GRM8: variants seen among roughly 807,000 people sequenced by gnomAD.
GRM8 encodes glutamate metabotropic receptor 8.
In GRM8, 47 loss-of-function variants were observed where a neutral mutation model predicts 87.2. The observed-to-expected ratio is 0.54, with a 90% CI of 0.43 to 0.69. The LOEUF (loss-of-function observed/expected upper bound fraction) is 0.69. GRM8 is among the 30% of genes least tolerant of loss of function. GRM8 has a pLI of 0.00. For missense variants in GRM8, 1,019 were observed against 1,139.2 expected (o/e 0.89, Z 1.52); for synonymous variants, 396 against 404.5 (o/e 0.98, Z 0.25).
At chr7:126,593,245 C>T (rs558910889) in intron 8 of GRM8, among the ~76,000 whole-genome samples, 103 of 152,036 alleles carry the variant, frequency 6.8e-4, no homozygotes, top group African/African-American at 2.3e-3. Context: ...CTTCACAGAA[C>T]TAGAAAAAAC....
intron 7 of GRM8, among the ~76,000 whole-genome samples, chr7:126,739,521 T>C (rs112168596): frequency 1.8e-4 from 27 of 152,196 alleles, no homozygotes; most frequent in African/African-American, 6.0e-4. Context: ...AAGACCACGG[T>C]GTTACGTTTA....
chr7:126,682,713 C>T (rs1019431456), intron 7 of GRM8, among the ~76,000 whole-genome samples: 4 of 152,166 alleles, frequency 2.6e-5, no homozygotes, highest in Non-Finnish European at 5.9e-5. Flanking sequence ...CTGAAATAAT[C>T]TAGCCTGCAA....
At chr7:127,044,349 G>A (rs1818726626) in intron 3 of GRM8, among the ~76,000 whole-genome samples, 2 of 152,270 alleles carry the variant, frequency 1.3e-5, no homozygotes, top group East Asian at 1.9e-4. Context: ...AGACAAGGAA[G>A]ATCAATCTGG....
intron 9 of GRM8, among the ~76,000 whole-genome samples, chr7:126,456,934 A>T (rs1803312939): frequency 6.6e-6 from 1 of 151,526 alleles, no homozygotes; most frequent in Non-Finnish European, 1.5e-5. Flanking sequence ...GGCAAACAAC[A>T]ACAAAAACTA....
chr7:126,915,761 GA>G (rs1290138171), intron 3 of GRM8, among the ~76,000 whole-genome samples: 1 of 152,172 alleles, frequency 6.6e-6, no homozygotes, highest in Non-Finnish European at 1.5e-5. Context: ...AACAAGAGTA[GA>G]AAGAGGAGAG....
At chr7:127,148,181 C>T (rs1055891492) in intron 2 of GRM8, among the ~76,000 whole-genome samples, 7 of 151,942 alleles carry the variant, frequency 4.6e-5, no homozygotes, top group African/African-American at 9.7e-5. Flanking sequence ...GCAACAGAGT[C>T]GATTCAGGTA....
chr7:126,985,902 A>G (rs1428443933), intron 3 of GRM8, among the ~76,000 whole-genome samples: 1 of 152,250 alleles, frequency 6.6e-6, no homozygotes, highest in African/African-American at 2.4e-5. Context: ...TTTAAATCAT[A>G]GCAGTAACTG....
chr7:126,499,985 T>C (rs1482658626), intron 9 of GRM8, among the ~76,000 whole-genome samples: 2 of 151,958 alleles, frequency 1.3e-5, no homozygotes, highest in Non-Finnish European at 2.9e-5. Flanking sequence ...TGTTTTGATA[T>C]GTGCGTATAT....
chr7:126,638,966 G>C (rs146520935), intron 7 of GRM8, among the ~76,000 whole-genome samples: 5 of 152,080 alleles, frequency 3.3e-5, no homozygotes, highest in African/African-American at 1.2e-4. Flanking sequence ...TCCACCTCAC[G>C]TGCCACTGAA....
intron 7 of GRM8, among the ~76,000 whole-genome samples, chr7:126,752,440 G>A (rs1320577076): frequency 2.0e-5 from 3 of 152,122 alleles, no homozygotes; most frequent in African/African-American, 7.2e-5. Flanking sequence ...TCAGTGTTCA[G>A]TAGTGTCATG....
intron 6 of GRM8, among the ~76,000 whole-genome samples, chr7:126,810,674 A>T (rs1051062210): frequency 6.6e-6 from 1 of 152,064 alleles, no homozygotes; most frequent in Non-Finnish European, 1.5e-5. Context: ...CAGTACCCTA[A>T]GTCCTCCCAC....
intron 3 of GRM8, among the ~76,000 whole-genome samples, chr7:126,953,417 T>C (rs564642854): frequency 6.6e-6 from 1 of 152,132 alleles, no homozygotes; most frequent in African/African-American, 2.4e-5. Context: ...TAAAAAGCTT[T>C]TGTCATTTCT....
intron 6 of GRM8, among the ~76,000 whole-genome samples, chr7:126,827,058 C>T (rs1277901365): frequency 2.0e-5 from 3 of 152,162 alleles, no homozygotes; most frequent in Admixed American, 2.0e-4. Context: ...GGGCTCTGTT[C>T]TGTTCCATTG....
intron 3 of GRM8, among the ~76,000 whole-genome samples, chr7:127,006,602 T>C (rs894142440): frequency 2.0e-5 from 3 of 152,058 alleles, no homozygotes; most frequent in African/African-American, 7.2e-5. Context: ...GAGTATTAAC[T>C]TAATGGAGAA....
At chr7:127,164,573 T>C (rs1040376549) in intron 2 of GRM8, among the ~76,000 whole-genome samples, 1 of 152,186 alleles carries the variant, frequency 6.6e-6, no homozygotes, top group African/African-American at 2.4e-5. Context: ...AATGTATTCA[T>C]TCAGTTTGGA....
intron 2 of GRM8, among the ~76,000 whole-genome samples, chr7:127,196,990 C>G (rs1795314277): frequency 6.6e-6 from 1 of 152,158 alleles, no homozygotes; most frequent in South Asian, 2.1e-4. Flanking sequence ...CCCATCTCAG[C>G]CTCTCAAGCA....
chr7:126,637,743 T>A (rs984189600), intron 7 of GRM8, among the ~76,000 whole-genome samples: 21 of 152,302 alleles, frequency 1.4e-4, no homozygotes, highest in Non-Finnish European at 2.6e-4. Context: ...TCATAATCTG[T>A]GTCCCTTCTA....
chr7:127,114,414 C>T (rs938210081), intron 2 of GRM8, among the ~76,000 whole-genome samples: 1 of 152,166 alleles, frequency 6.6e-6, no homozygotes, highest in African/African-American at 2.4e-5. Flanking sequence ...CAAAGCTTTA[C>T]ATACACACCT....
intron 8 of GRM8, among the ~76,000 whole-genome samples, chr7:126,536,408 T>TAA (rs1334872767): frequency 6.6e-6 from 1 of 152,166 alleles, no homozygotes; most frequent in African/African-American, 2.4e-5. Context: ...CTTTGTGTCT[T>TAA]TAATTTCAGA....
Sources: allele counts gnomAD v4.1 joint callset (sites outside exome capture counted in the v4.1 genomes callset), GRCh38; gene constraint gnomAD v4.1.1; transcripts MANE v1.5; gene names NCBI Gene and HGNC (gene_info 2026-07-23, HGNC 2026-07-21).